Variants in STX12 observed in about 807,000 individuals in gnomAD.
STX12 encodes the protein syntaxin-12.
In STX12, 17 loss-of-function variants were observed where a neutral mutation model predicts 42.2. The ratio of observed to expected loss-of-function variants is 0.40; its 90% CI spans 0.28 to 0.60. The LOEUF is 0.60. Ranked by LOEUF, STX12 falls within the 20% of genes least tolerant of loss-of-function variation. The pLI, the probability that STX12 is intolerant of heterozygous loss-of-function variation, is 0.39. For synonymous variants in STX12, 108 were observed against 116.7 expected, an observed-to-expected ratio of 0.93 and a Z score of 0.48; for missense variants, 297 against 330.9, an observed-to-expected ratio of 0.90 and a Z score of 0.79.
At chr1:27,777,760 G>T (rs911614962) in intron 1 of STX12, among the ~76,000 whole-genome samples, 1 of 152,096 alleles carries the variant, frequency 6.6e-6, no homozygotes, top group African/African-American at 2.4e-5. Context: ...GATGGTGCAC[G>T]CCTGTAATCC....
At chr1:27,794,962 A>C (rs544756075) in intron 3 of STX12, among the ~76,000 whole-genome samples, 1 of 152,244 alleles carries the variant, frequency 6.6e-6, no homozygotes, top group African/African-American at 2.4e-5. Context: ...GGCTCAAGTG[A>C]TCCTCCTTTC....
intron 4 of STX12, among the ~76,000 whole-genome samples, chr1:27,803,060 AAAGATT>A (rs1477938340): frequency 7.2e-5 from 11 of 152,216 alleles, no homozygotes; most frequent in Non-Finnish European, 1.3e-4. Flanking sequence ...AATACGGAAG[AAAGATT>A]ATGAAAAATG....
chr1:27,810,238 CT>C lies in STX12; in HGVS notation c.427-5del. Reference sequence around the variant, plus strand: ...ATGACAGCAGCAATAATACCATCTACTTTCTAGGCAGAAGAGAGGCAAAGAG... The same window carrying C: ...ATGACAGCAGCAATAATACCATCTACTTCTAGGCAGAAGAGAGGCAAAGAG... On this transcript the variant is annotated splice_region_variant and splice_polypyrimidine_tract_variant and intron_variant, in intron 4 of 8. Transcript: ENST00000373943. The C allele has an allele frequency of 1.2e-6, 2 of 1,613,564 alleles. No individual in the cohort carries two copies. Among genetic ancestry groups the C allele is most frequent in the Non-Finnish European group, 1.7e-6 (2 of 1,179,672 alleles).
intron 2 of STX12, 36 bp downstream of exon 2, chr1:27,789,667 G>T: frequency 6.6e-7 from 1 of 1,516,270 alleles, no homozygotes; most frequent in South Asian, 1.1e-5. Flanking sequence ...GTTTTGTGAG[G>T]GCCATTTGAG....
At chr1:27,791,002 T>C (rs373414494) in intron 2 of STX12, among the ~76,000 whole-genome samples, 1 of 151,862 alleles carries the variant, frequency 6.6e-6, no homozygotes, top group South Asian at 2.1e-4. Flanking sequence ...GGCTCACACC[T>C]GTAATCCCAG....
chr1:27,805,181 A>G (rs1303940054), intron 4 of STX12, among the ~76,000 whole-genome samples: 1 of 152,224 alleles, frequency 6.6e-6, no homozygotes, highest in Non-Finnish European at 1.5e-5. Flanking sequence ...GAGCCAAACC[A>G]TATCAGACCC....
chr1:27,782,945 A>G (rs1051695803), intron 1 of STX12, among the ~76,000 whole-genome samples: 1 of 152,236 alleles, frequency 6.6e-6, no homozygotes, highest in African/African-American at 2.4e-5. Context: ...CATTTTCATA[A>G]TCACCACATA....
chr1:27,773,304 C>T lies in STX12; in HGVS notation c.-4C>T, dbSNP rs1160021318. ...GTAGAGCGAGCAGGTCTCAGCTCCTCGTCATGTCATACGGTCCCTTAGACA... is the reference window on the plus strand; with the variant it reads ...GTAGAGCGAGCAGGTCTCAGCTCCTTGTCATGTCATACGGTCCCTTAGACA... On this transcript the variant is annotated 5_prime_UTR_variant, in exon 1 of 9. Transcript: ENST00000373943. 1.3e-6 allele frequency: 2 copies of T among 1,577,722 alleles called. No individual in the cohort carries two copies. Among genetic ancestry groups the T allele is most frequent in the Admixed American group, 1.7e-5 (1 of 57,374 alleles).
intron 8 of STX12, among the ~76,000 whole-genome samples, chr1:27,821,695 G>A (rs1284619540): frequency 1.3e-5 from 2 of 152,108 alleles, no homozygotes; most frequent in South Asian, 2.1e-4. Context: ...AAAATTGTAT[G>A]TGGGGACTTG....
intron 1 of STX12, among the ~76,000 whole-genome samples, chr1:27,777,193 G>A (rs1271342213): frequency 6.6e-6 from 1 of 152,162 alleles, no homozygotes; most frequent in Admixed American, 6.6e-5. Flanking sequence ...AGAGAGTCAG[G>A]GAAGAGGGAG....
intron 3 of STX12, among the ~76,000 whole-genome samples, chr1:27,795,853 C>T (rs2088782400): frequency 6.6e-6 from 1 of 152,104 alleles, no homozygotes; most frequent in Admixed American, 6.5e-5. Context: ...CCTTGCCATC[C>T]AATATCTCCA....
intron 6 of STX12, among the ~76,000 whole-genome samples, chr1:27,813,818 T>A (rs945911293): frequency 6.6e-6 from 1 of 152,234 alleles, no homozygotes; most frequent in Non-Finnish European, 1.5e-5. Context: ...GGTATTTTTT[T>A]AAAAAGTTCC....
intron 1 of STX12, among the ~76,000 whole-genome samples, chr1:27,780,139 T>C (rs1323913095): frequency 1.3e-5 from 2 of 151,950 alleles, no homozygotes; most frequent in Admixed American, 6.6e-5. Context: ...CCTCATTGGC[T>C]ATCTAAATTA....
At chr1:27,787,261 G>T (rs145849766) in intron 1 of STX12, among the ~76,000 whole-genome samples, 6 of 152,270 alleles carry the variant, frequency 3.9e-5, no homozygotes, top group Middle Eastern at 3.4e-3. Flanking sequence ...GAGAAATAAC[G>T]TGTACTTACT....
chr1:27,807,188 A>T (rs2088867537), intron 4 of STX12, among the ~76,000 whole-genome samples: 1 of 152,178 alleles, frequency 6.6e-6, no homozygotes, highest in African/African-American at 2.4e-5. Flanking sequence ...TCAAGCATTT[A>T]TCCTTTATGT....
chr1:27,787,429 C>T (rs1158295400), intron 1 of STX12, among the ~76,000 whole-genome samples: 1 of 152,060 alleles, frequency 6.6e-6, no homozygotes, highest in Non-Finnish European at 1.5e-5. Context: ...GAGGCCGAGG[C>T]GGGTGGATTA....
chr1:27,803,256 C>A (rs919954210), intron 4 of STX12, among the ~76,000 whole-genome samples: 1 of 152,148 alleles, frequency 6.6e-6, no homozygotes, highest in African/African-American at 2.4e-5. Context: ...TAAATAAAAT[C>A]TCTAATCTAG....
At chr1:27,789,703 G>T in intron 2 of STX12, 72 bp downstream of exon 2, 1 of 1,197,718 alleles carries the variant, frequency 8.3e-7, no homozygotes. Flanking sequence ...CCAGACAGCA[G>T]CTTAGGTTTC....
At chr1:27,783,082 C>G (rs998712702) in intron 1 of STX12, among the ~76,000 whole-genome samples, 9 of 152,120 alleles carry the variant, frequency 5.9e-5, no homozygotes, top group Non-Finnish European at 1.2e-4. Context: ...ATGATAGTTA[C>G]TTTCAATATA....
Sources: gnomAD v4.1 joint callset for allele counts (sites outside exome capture counted in the v4.1 genomes callset) on GRCh38, gnomAD v4.1.1 for gene constraint, MANE v1.5 for transcripts, NCBI Gene and HGNC (gene_info 2026-07-23, HGNC 2026-07-21) for gene names.